Variants in ADGRV1 observed in about 807,000 individuals in gnomAD.
The protein encoded by ADGRV1 is adhesion G protein-coupled receptor V1.
A neutral mutation model predicts 596.2 loss-of-function variants in ADGRV1; 359 were observed. The ratio of observed to expected loss-of-function variants is 0.60; its 90% CI spans 0.55 to 0.66. The LOEUF is 0.66. ADGRV1 is among the 30% of genes least tolerant of loss of function. The pLI is 0.00. For missense variants in ADGRV1, 7,274 were observed against 7,575.6 expected (o/e 0.96, Z 1.48); for synonymous variants, 2,681 against 2,679.2 (o/e 1.00, Z -0.02).
At chr5:90,596,087 A>G (rs1344545349) in intron 1 of ADGRV1, among the ~76,000 whole-genome samples, 2 of 145,802 alleles carry the variant, frequency 1.4e-5, no homozygotes, top group Admixed American at 6.7e-5. Flanking sequence ...GCGGCCGGGC[A>G]GAGACGCTCC....
At chr5:90,983,230 C>A (rs1780223290) in intron 84 of ADGRV1, among the ~76,000 whole-genome samples, 1 of 152,150 alleles carries the variant, frequency 6.6e-6, no homozygotes, top group Non-Finnish European at 1.5e-5. Flanking sequence ...CTCTTTGGGA[C>A]AGAAGCACTG....
intron 1 of ADGRV1, among the ~76,000 whole-genome samples, chr5:90,609,653 A>G (rs1324997668): frequency 6.6e-6 from 1 of 152,010 alleles, no homozygotes; most frequent in African/African-American, 2.4e-5. Context: ...AATGCCCCTT[A>G]GTAGATGTAA....
chr5:90,992,839 C>G (rs1323624423), intron 85 of ADGRV1, among the ~76,000 whole-genome samples: 1 of 152,094 alleles, frequency 6.6e-6, no homozygotes, highest in African/African-American at 2.4e-5. Context: ...TAGATCTCTT[C>G]TAAACTTGTT....
At chr5:90,972,610 A>G (rs5956462) in intron 84 of ADGRV1, among the ~76,000 whole-genome samples, 1,684 of 152,272 alleles carry the variant, frequency 0.011, 37 homozygotes, top group African/African-American at 0.039. Flanking sequence ...CTACTGGGTA[A>G]ATAACGAAGT....
chr5:90,783,988 T>G lies in ADGRV1; in HGVS notation c.13584T>G (p.Ala4528=). The change falls in exon 67 of 90, where the codon GCT becomes GCG. Residue 4528 remains alanine (A), a synonymous_variant. Transcript: ENST00000405460. The part of the protein sequence containing the change: ...RFLNQSKISI[A]NPNSTMILSL... ...TCAATCAAAGCAAAATTTCTATTGCTAATCCCAATTCCACAATGATTTTAT... is the reference window on the plus strand; with the variant it reads ...TCAATCAAAGCAAAATTTCTATTGCGAATCCCAATTCCACAATGATTTTAT... 1 of 1,612,874 alleles carries G rather than the reference T, an allele frequency of 6.2e-7. No homozygotes were observed. The highest frequency in any genetic ancestry group is 8.5e-7 in the Non-Finnish European group (1 of 1,179,420).
At chr5:91,013,076 A>G (rs1354311684) in intron 85 of ADGRV1, among the ~76,000 whole-genome samples, 1 of 151,976 alleles carries the variant, frequency 6.6e-6, no homozygotes, top group Non-Finnish European at 1.5e-5. Flanking sequence ...TTTTATGGCT[A>G]TATAGTATTC....
chr5:90,580,766 G>A (rs1449900175), intron 1 of ADGRV1, among the ~76,000 whole-genome samples: 1 of 151,926 alleles, frequency 6.6e-6, no homozygotes, highest in Non-Finnish European at 1.5e-5. Flanking sequence ...TGTTGGGGTT[G>A]CTCTTCTGGA....
At chr5:90,851,134 TGAGAG>T (rs1766468694) in intron 79 of ADGRV1, among the ~76,000 whole-genome samples, 1 of 81,448 alleles carries the variant, frequency 1.2e-5, no homozygotes, top group African/African-American at 3.7e-5. Context: ...TGTGTGTGTG[TGAGAG>T]AGAGAGAGAG....
At chr5:91,035,142 A>C (rs2697548) in intron 85 of ADGRV1, among the ~76,000 whole-genome samples, 119,093 of 152,078 alleles carry the variant, frequency 0.78, 46,725 homozygotes, top group South Asian at 0.82. Context: ...CCAGCCCTAT[A>C]CTTCTTCCAC....
chr5:90,711,175 A>G lies in ADGRV1; in HGVS notation c.8904-9A>G. 3 of 1,601,354 alleles carry G rather than the reference A, an allele frequency of 1.9e-6. No individual in the cohort carries two copies. The highest frequency in any genetic ancestry group is 1.1e-5 in the South Asian group (1 of 88,038). On this transcript the variant is annotated splice_polypyrimidine_tract_variant and intron_variant, in intron 40 of 89. Coordinates refer to ENST00000405460, the MANE Select transcript of ADGRV1 (RefSeq NM_032119.4). ...TTTTGTTTGTTTTTGTTTTTTTGCT[A>G]TATTATAGGTTTGAAGTAAATGAAA... is the stretch of plus-strand genomic sequence containing the variant.
At chr5:90,964,217 G>GT (rs1169949823) in intron 83 of ADGRV1, among the ~76,000 whole-genome samples, 3 of 151,816 alleles carry the variant, frequency 2.0e-5, no homozygotes, top group African/African-American at 7.3e-5. Context: ...GCACATTATT[G>GT]TTTTTTTAAT....
In ADGRV1 at chr5:90,614,837, A is replaced by T; in HGVS notation, c.25A>T (p.Met9Leu). MSVFLGPG[M>L]PSASLLVNLL... The stretch of plus-strand genomic sequence containing the variant: ...ATATTTTTTTCTTTTTGTTTTAGGG[A>T]TGCCCTCTGCATCTTTATTAGTAAA... The change falls in exon 2 of 90, where the codon ATG becomes TTG. Residue 9 changes from methionine (M) to leucine (L), a missense_variant and splice_region_variant. By Grantham distance (15) the Met-to-Leu change is conservative (BLOSUM62 2). This residue lies in a region of ADGRV1 where 1,715 missense variants were observed against 1,708.8 expected (regional missense o/e 1.00). Transcript: ENST00000405460. 6.2e-7 allele frequency: 1 copy of T among 1,604,896 alleles called. No homozygotes were observed. The highest frequency in any genetic ancestry group is 1.1e-5 in the South Asian group (1 of 90,524).
At chr5:90,686,399 G>A (rs953967231) in intron 29 of ADGRV1, among the ~76,000 whole-genome samples, 1 of 151,974 alleles carries the variant, frequency 6.6e-6, no homozygotes, top group African/African-American at 2.4e-5. Flanking sequence ...AGAGTGTGAT[G>A]TTCCCCTTTC....
intron 83 of ADGRV1, among the ~76,000 whole-genome samples, chr5:90,915,136 G>T (rs1389783265): frequency 6.6e-6 from 1 of 152,024 alleles, no homozygotes; most frequent in Non-Finnish European, 1.5e-5. Context: ...TTATTAATTT[G>T]TGGGAATTAT....
At chr5:90,851,376 C>A (rs1358983012) in intron 79 of ADGRV1, among the ~76,000 whole-genome samples, 1 of 151,892 alleles carries the variant, frequency 6.6e-6, no homozygotes, top group Non-Finnish European at 1.5e-5. Flanking sequence ...ACAAATTGAA[C>A]ACAGAAAATA....
intron 87 of ADGRV1, among the ~76,000 whole-genome samples, chr5:91,136,907 C>T (rs1794682768): frequency 6.6e-6 from 1 of 152,030 alleles, no homozygotes; most frequent in Non-Finnish European, 1.5e-5. Flanking sequence ...TTACCGATTA[C>T]AAGAATTGAT....
intron 85 of ADGRV1, among the ~76,000 whole-genome samples, chr5:91,017,867 G>T (rs1275216710): frequency 6.6e-6 from 1 of 151,732 alleles, no homozygotes; most frequent in East Asian, 1.9e-4. Context: ...TGCAGATTGA[G>T]GTTTGAAAGC....
chr5:90,660,018 G>C (rs185833475), intron 21 of ADGRV1, among the ~76,000 whole-genome samples: 265 of 151,142 alleles, frequency 1.8e-3, no homozygotes, highest in Admixed American at 5.5e-3. Context: ...GGTGACACAA[G>C]ACTCTGTCTC....
chr5:91,106,717 A>G (rs999364141), intron 87 of ADGRV1, among the ~76,000 whole-genome samples: 1 of 152,230 alleles, frequency 6.6e-6, no homozygotes. Context: ...CTGGGCACTG[A>G]CATCTTTAGT....
Sources: gnomAD v4.1 joint callset for allele counts (sites outside exome capture counted in the v4.1 genomes callset) on GRCh38, gnomAD v4.1.1 for gene constraint, gnomAD v4.1.1 regional missense constraint, MANE v1.5 for transcripts, NCBI Gene and HGNC (gene_info 2026-07-23, HGNC 2026-07-21) for gene names.